TCF7L2: variants seen among roughly 807,000 people sequenced by gnomAD.
TCF7L2 encodes the protein transcription factor 7 like 2.
In TCF7L2, 23 loss-of-function variants were observed where a neutral mutation model predicts 77.9. The observed-to-expected ratio is 0.30, with a 90% CI of 0.21 to 0.42. TCF7L2 has a LOEUF of 0.42. TCF7L2 is among the 10% of genes least tolerant of loss of function. The probability of loss-of-function intolerance (pLI) is 1.00; values close to 1 mark genes in which losing one functional copy is unlikely to be tolerated. For synonymous variants in TCF7L2, 413 were observed against 340.2 expected (o/e 1.21, Z -2.36); for missense variants, 654 against 793.1 (o/e 0.82, Z 2.11).
rs1285079472 is a variant in TCF7L2, at chr10:113,165,870, C to T, written c.1707C>T (p.Ser569=). 2 of 1,607,558 alleles carry T rather than the reference C, an allele frequency of 1.2e-6. No individual in the cohort carries two copies. The highest frequency in any genetic ancestry group is 3.4e-5 in the Admixed American group (2 of 59,354). Residue 569 remains serine (S), a synonymous_variant, in exon 14 of 14, where the codon TCC becomes TCT. Coordinates refer to ENST00000627217, the MANE Select transcript of TCF7L2 (RefSeq NM_001146274.2). ...CCGCTTTGCAGCCTGCCGCCCCCTCCTCATCAATTGCACAGCCGTCGACTT... is the reference window on the plus strand; with the variant it reads ...CCGCTTTGCAGCCTGCCGCCCCCTCTTCATCAATTGCACAGCCGTCGACTT...
intron 4 of TCF7L2, among the ~76,000 whole-genome samples, chr10:113,026,722 G>T (rs1239787290): frequency 6.6e-6 from 1 of 152,134 alleles, no homozygotes. Context: ...GAAAACTTGA[G>T]ACCTGAAATC....
chr10:112,996,020 T>G (rs2043405659), intron 4 of TCF7L2, among the ~76,000 whole-genome samples: 1 of 152,206 alleles, frequency 6.6e-6, no homozygotes, highest in African/African-American at 2.4e-5. Flanking sequence ...ATTTAAAAAT[T>G]TTGTGCTCAG....
At chr10:113,126,822 G>A (rs1219370504) in intron 5 of TCF7L2, 17 of 986,798 alleles carry the variant, frequency 1.7e-5, no homozygotes, top group Non-Finnish European at 2.0e-5. Flanking sequence ...GCATCTGGGC[G>A]CAGGCAGCAT....
At chr10:113,042,724 A>T (rs953208611) in intron 5 of TCF7L2, among the ~76,000 whole-genome samples, 3 of 152,164 alleles carry the variant, frequency 2.0e-5, no homozygotes, top group Non-Finnish European at 4.4e-5. Flanking sequence ...TTTGGGATTG[A>T]GGATGCATAC....
At chr10:113,084,906 C>G (rs1433589227) in intron 5 of TCF7L2, among the ~76,000 whole-genome samples, 2 of 150,094 alleles carry the variant, frequency 1.3e-5, no homozygotes, top group Admixed American at 1.3e-4. Context: ...AAGCCACCCC[C>G]CCCCAAAAAA....
At chr10:113,087,976 C>T (rs1325812426) in intron 5 of TCF7L2, among the ~76,000 whole-genome samples, 1 of 151,994 alleles carries the variant, frequency 6.6e-6, no homozygotes, top group Non-Finnish European at 1.5e-5. Flanking sequence ...TCTTGCATAC[C>T]CACTATGTCT....
intron 7 of TCF7L2, among the ~76,000 whole-genome samples, chr10:113,144,898 C>A (rs148164280): frequency 6.6e-6 from 1 of 152,152 alleles, no homozygotes; most frequent in Non-Finnish European, 1.5e-5. Flanking sequence ...ATATGTGTTT[C>A]GTGATTGTTT....
Position 113,165,403 on chromosome 10 carries a change from G to A in TCF7L2, c.1392-152G>A, listed in dbSNP as rs1480970719. ...TGTGAAGTAAGCGACCCACCCTGGG[G>A]GGGCGCCACTGTAATTGTCCTCGGA... On this transcript the variant is annotated intron_variant, in intron 13 of 13. Coordinates refer to ENST00000627217, the MANE Select transcript of TCF7L2 (RefSeq NM_001146274.2). The A allele has an allele frequency of 1.4e-5, 11 of 814,522 alleles. No individual in the cohort carries two copies. The East Asian group carries it at 2.2e-4, about 17-fold the overall frequency. 50.5% of individuals were successfully genotyped at this position (814,522 alleles called of 1,614,324 possible). A position where few individuals can be genotyped will look rare whatever the true frequency, so the allele number is the denominator to read the frequency against.
At chr10:113,044,367 A>C (rs2053050434) in intron 5 of TCF7L2, among the ~76,000 whole-genome samples, 1 of 152,184 alleles carries the variant, frequency 6.6e-6, no homozygotes, top group Non-Finnish European at 1.5e-5. Flanking sequence ...AGTTCAGGGG[A>C]ACCTACCCAT....
intron 5 of TCF7L2, chr10:113,129,933 CG>C (rs1564934525): frequency 2.3e-6 from 3 of 1,294,262 alleles, no homozygotes; most frequent in Non-Finnish European, 3.0e-6. Flanking sequence ...CAGTGGCCTC[CG>C]GGGTCTCTCT....
At chr10:113,089,836 A>G (rs1057323077) in intron 5 of TCF7L2, among the ~76,000 whole-genome samples, 1 of 152,220 alleles carries the variant, frequency 6.6e-6, no homozygotes, top group African/African-American at 2.4e-5. Flanking sequence ...AACTTCTGTG[A>G]AAATGAGGAG....
chr10:113,062,931 T>A (rs1325352949), intron 5 of TCF7L2, among the ~76,000 whole-genome samples: 1 of 152,186 alleles, frequency 6.6e-6, no homozygotes, highest in Admixed American at 6.5e-5. Context: ...AGAGAGTGTG[T>A]CTGTTTATAG....
Position 113,165,829 on chromosome 10 carries a change from C to A in TCF7L2, c.1666C>A (p.Leu556Met), listed in dbSNP as rs2074012388. 1.9e-6 allele frequency: 3 copies of A among 1,606,884 alleles called. No individual in the cohort carries two copies. Among genetic ancestry groups the A allele is most frequent in the Non-Finnish European group, 2.6e-6 (3 of 1,175,782 alleles). ...CTCCGCCCTCTGTCCCAACGGGGCCCTGGACCTGCCCCCAGCCGCTTTGCA... is the reference window on the plus strand; with the variant it reads ...CTCCGCCCTCTGTCCCAACGGGGCCATGGACCTGCCCCCAGCCGCTTTGCA... The change falls in exon 14 of 14, where the codon CTG (leucine) becomes ATG (methionine). Residue 556 changes from leucine (L) to methionine (M), a missense_variant. Transcript: ENST00000627217.
At chr10:113,113,175 C>T (rs896707740) in intron 5 of TCF7L2, among the ~76,000 whole-genome samples, 10 of 152,158 alleles carry the variant, frequency 6.6e-5, no homozygotes, top group African/African-American at 1.4e-4. Flanking sequence ...CTTGTCAAGT[C>T]GGTGAAATCC....
At chr10:113,084,732 C>CA (rs991923844) in intron 5 of TCF7L2, among the ~76,000 whole-genome samples, 3 of 151,160 alleles carry the variant, frequency 2.0e-5, no homozygotes, top group Admixed American at 6.6e-5. Context: ...CGGTCTCTAC[C>CA]AAAAAAAATA....
At chr10:112,951,003 T>C in intron 1 of TCF7L2, 58 bp downstream of exon 1, 1 of 1,551,750 alleles carries the variant, frequency 6.4e-7, no homozygotes, top group Non-Finnish European at 8.7e-7. Flanking sequence ...GCTTGGCAAA[T>C]GTTGCTGAAA....
chr10:113,009,524 C>T (rs1022913591), intron 4 of TCF7L2, among the ~76,000 whole-genome samples: 2 of 152,188 alleles, frequency 1.3e-5, no homozygotes, highest in African/African-American at 4.8e-5. Context: ...TCTCAGAAAA[C>T]ACAATATGCC....
intron 5 of TCF7L2, among the ~76,000 whole-genome samples, chr10:113,044,229 G>A (rs2134361856): frequency 6.6e-6 from 1 of 152,320 alleles, no homozygotes; most frequent in East Asian, 1.9e-4. Context: ...AATGCTGCAA[G>A]AGAGTGGAAA....
intron 5 of TCF7L2, among the ~76,000 whole-genome samples, chr10:113,050,787 T>A (rs2054285452): frequency 2.0e-5 from 3 of 152,206 alleles, no homozygotes; most frequent in African/African-American, 7.2e-5. Flanking sequence ...CCATTTTTAG[T>A]ATATGGCCAA....
Sources: gnomAD v4.1 joint callset for allele counts (sites outside exome capture counted in the v4.1 genomes callset) on GRCh38, gnomAD v4.1.1 for gene constraint, MANE v1.5 for transcripts, NCBI Gene and HGNC (gene_info 2026-07-23, HGNC 2026-07-21) for gene names.